Variants in SETD2 observed in about 807,000 individuals in gnomAD.
SETD2 encodes the protein SET domain containing 2, histone lysine methyltransferase, also known as histone-lysine N-methyltransferase SETD2.
SETD2 carries 31 observed loss-of-function variants against 242.1 expected under a neutral mutation model. That is an observed-to-expected ratio of 0.13 (90% confidence interval 0.10 to 0.17). SETD2 has a LOEUF of 0.17. Ranked by LOEUF, SETD2 falls within the 10% of genes least tolerant of loss-of-function variation. The pLI is 1.00. For missense variants in SETD2, 2,481 were observed against 3,046.3 expected (o/e 0.81, Z 4.37); for synonymous variants, 1,006 against 1,066.5 (o/e 0.94, Z 1.11).
At chr3:47,112,297 T>A (rs576331978) in intron 5 of SETD2, among the ~76,000 whole-genome samples, 1 of 152,154 alleles carries the variant, frequency 6.6e-6, no homozygotes, top group East Asian at 1.9e-4. Context: ...GTTTTGTTTT[T>A]TGAGACAGAG....
At chr3:47,096,754 A>AC (rs2042023557) in intron 9 of SETD2, among the ~76,000 whole-genome samples, 1 of 152,098 alleles carries the variant, frequency 6.6e-6, no homozygotes, top group Admixed American at 6.6e-5. Context: ...CTCAAAAAAA[A>AC]ACAAAGCCAA....
chr3:47,125,374 A>C (rs2043290175), intron 2 of SETD2, among the ~76,000 whole-genome samples: 1 of 151,808 alleles, frequency 6.6e-6, no homozygotes, highest in Non-Finnish European at 1.5e-5. Flanking sequence ...TGTGATCCAC[A>C]CTCTAGGAAA....
At chr3:47,093,211 T>G (rs1277754529) in intron 9 of SETD2, among the ~76,000 whole-genome samples, 1 of 152,104 alleles carries the variant, frequency 6.6e-6, no homozygotes, top group Non-Finnish European at 1.5e-5. Context: ...CAACCTTACA[T>G]TTTAAGAGTT....
At chr3:47,056,094 TTTTATTTATTTA>T (rs145910690) in intron 15 of SETD2, among the ~76,000 whole-genome samples, 2,528 of 116,324 alleles carry the variant, frequency 0.022, 47 homozygotes, top group Middle Eastern at 0.043. Flanking sequence ...AAAACATGAT[TTTTATTTATTTA>T]TTTATTTATT....
At chr3:47,143,189 C>G (rs2043773213) in intron 1 of SETD2, among the ~76,000 whole-genome samples, 2 of 152,122 alleles carry the variant, frequency 1.3e-5, no homozygotes, top group Middle Eastern at 3.4e-3. Flanking sequence ...AGGTACTCAG[C>G]AGGATGAGGC....
At position 47,121,058 on chromosome 3, in the gene SETD2, T is replaced by C. The variant is rs2107749204; in HGVS notation, c.3578A>G (p.Lys1193Arg). 1 of 1,614,164 alleles carries C rather than the reference T, an allele frequency of 6.2e-7. No individual in the cohort carries two copies. Among genetic ancestry groups the C allele is most frequent in the Non-Finnish European group, 8.5e-7 (1 of 1,180,010 alleles). ...CTCTTCTTGCTGCCTAGAAGGTATTTTGGCTTTCACGGTTTCCTCTGAATT... is the reference window on the plus strand; with the variant it reads ...CTCTTCTTGCTGCCTAGAAGGTATTCTGGCTTTCACGGTTTCCTCTGAATT... ...HPNSEETVKAKIPSRQQEELP... is the reference protein window; with the variant it reads ...HPNSEETVKARIPSRQQEELP... Residue 1193 changes from lysine to arginine, a missense_variant, in exon 3 of 21, where the codon AAA (lysine) becomes AGA (arginine). By Grantham distance (26) the Lys-to-Arg change is conservative. This residue lies in a region of SETD2 where 1,300 missense variants were observed against 1,259.2 expected (regional missense o/e 1.03). Transcript: ENST00000409792.
intron 12 of SETD2, among the ~76,000 whole-genome samples, chr3:47,072,748 A>G (rs2040878872): frequency 6.6e-6 from 1 of 151,522 alleles, no homozygotes; most frequent in Non-Finnish European, 1.5e-5. Context: ...GATTCAGACC[A>G]TCCTGGCTAA....
rs140906569 is a variant in SETD2, at chr3:47,045,748, G to A, written c.7098+739C>T. On this transcript the variant is annotated intron_variant, in intron 16 of 20. Coordinates refer to ENST00000409792, the MANE Select transcript of SETD2 (RefSeq NM_014159.7). ...TAAAATATAAAAATACAAGGTCAGG[G>A]TAAACAACAAATAAAAAGGATCCTA... Among the ~76,000 whole-genome samples the A allele has an allele frequency of 2.4e-3, 357 of 148,598 alleles. 2 individuals carry two copies. Among genetic ancestry groups the A allele is most frequent in the African/African-American group, 8.5e-3 (346 of 40,782 alleles).
At chr3:47,037,059 C>CTTTTTT (rs10536067) in intron 18 of SETD2, among the ~76,000 whole-genome samples, 1 of 71,716 alleles carries the variant, frequency 1.4e-5, no homozygotes, top group Non-Finnish European at 2.6e-5. Flanking sequence ...AAAGGCCATT[C>CTTTTTT]TTTTTTTTTT....
At chr3:47,137,119 T>C (rs1274293123) in intron 1 of SETD2, among the ~76,000 whole-genome samples, 1 of 151,990 alleles carries the variant, frequency 6.6e-6, no homozygotes, top group Non-Finnish European at 1.5e-5. Flanking sequence ...CAAATGTTAT[T>C]TCCTTTGAGA....
chr3:47,148,131 GT>G (rs2043904184), intron 1 of SETD2, among the ~76,000 whole-genome samples: 2 of 151,396 alleles, frequency 1.3e-5, no homozygotes, highest in Non-Finnish European at 1.5e-5. Flanking sequence ...TGTTGTTGTT[GT>G]TGTTGTTGTT....
At chr3:47,044,108 C>T (rs1272576488) in intron 16 of SETD2, among the ~76,000 whole-genome samples, 7 of 151,612 alleles carry the variant, frequency 4.6e-5, no homozygotes, top group African/African-American at 9.7e-5. Flanking sequence ...TTTGGAAGGC[C>T]GAGGCAGGTG....
chr3:47,086,296 A>G lies in SETD2; in HGVS notation c.5296T>C (p.Cys1766Arg). ...ELIQNTHSQS[C>R]LKSFLERHGL... ...TGACGTTCCAGAAAGGACTTCAGGCAGGACTGTGAGTGTGTGTTCTTTCAT... is the reference window on the plus strand; with the variant it reads ...TGACGTTCCAGAAAGGACTTCAGGCGGGACTGTGAGTGTGTGTTCTTTCAT... The change falls in exon 11 of 21, where the codon TGC (cysteine) becomes CGC (arginine). Residue 1766 changes from cysteine (C) to arginine (R), a missense_variant. Physicochemically the swap from Cys to Arg is radical, Grantham distance 180 (BLOSUM62 -3). Around this residue, in one of 17 missense-constraint regions of SETD2, gnomAD observed 62 missense variants for 136.7 expected, o/e 0.45. Transcript: ENST00000409792. 2 of 1,612,628 alleles carry G rather than the reference A, an allele frequency of 1.2e-6. No homozygotes were observed. Among genetic ancestry groups the G allele is most frequent in the Non-Finnish European group, 1.7e-6 (2 of 1,178,966 alleles).
chr3:47,134,327 T>C (rs957214076), intron 1 of SETD2, among the ~76,000 whole-genome samples: 1 of 152,242 alleles, frequency 6.6e-6, no homozygotes, highest in African/African-American at 2.4e-5. Context: ...TATGGCGTTA[T>C]ATATTCAAGA....
rs2106641231 is a variant in SETD2, at chr3:47,121,159, T to C, written c.3477A>G (p.Glu1159=). 6.2e-7 allele frequency: 1 copy of C among 1,614,144 alleles called. No individual in the cohort carries two copies. The highest frequency in any genetic ancestry group is 8.5e-7 in the Non-Finnish European group (1 of 1,179,992). ...SRKQIDNRLP[E]LSHPQSDGVD... ...CCCCATCACTCTGAGGATGAGAAAG[T>C]TCAGGCAGGCGATTATCTATTTGTT... The change falls in exon 3 of 21, where the codon GAA becomes GAG. Residue 1159 remains glutamate, a synonymous_variant. Transcript: ENST00000409792.
At chr3:47,067,644 G>T (rs1045338740) in intron 12 of SETD2, among the ~76,000 whole-genome samples, 3 of 151,634 alleles carry the variant, frequency 2.0e-5, no homozygotes, top group Admixed American at 6.6e-5. Flanking sequence ...CGAACTCCTG[G>T]GCTCAAGCAA....
At chr3:47,103,458 A>T in intron 6 of SETD2, 35 bp from the exon 7 acceptor site, 3 of 1,349,976 alleles carry the variant, frequency 2.2e-6, no homozygotes, top group Non-Finnish European at 2.1e-6. Flanking sequence ...ATTAAAAAAT[A>T]ATACCTTAAA....
intron 1 of SETD2, among the ~76,000 whole-genome samples, chr3:47,147,772 A>C (rs1366842368): frequency 6.6e-6 from 1 of 151,654 alleles, no homozygotes; most frequent in Non-Finnish European, 1.5e-5. Context: ...ATACAAAAAA[A>C]ATTAGCCGGG....
intron 9 of SETD2, among the ~76,000 whole-genome samples, chr3:47,094,330 G>A (rs1263933423): frequency 1.3e-5 from 2 of 152,166 alleles, no homozygotes; most frequent in African/African-American, 4.8e-5. Context: ...TTTGGTTAAG[G>A]AAAGAAGCTG....
Sources: gnomAD v4.1 joint callset for allele counts (sites outside exome capture counted in the v4.1 genomes callset) on GRCh38, gnomAD v4.1.1 for gene constraint, gnomAD v4.1.1 regional missense constraint, MANE v1.5 for transcripts, NCBI Gene and HGNC (gene_info 2026-07-23, HGNC 2026-07-21) for gene names.